Variants in REXO4 observed in about 807,000 individuals in gnomAD.
REXO4 encodes the protein REX4 homolog, 3'-5' exonuclease.
REXO4 carries 29 observed loss-of-function variants against 39.9 expected under a neutral mutation model. The observed-to-expected ratio is 0.73, with a 90% CI of 0.54 to 0.99. The LOEUF is 0.99. REXO4 is among the 50% of genes least tolerant of loss of function. The probability of loss-of-function intolerance (pLI) is 0.00; values close to 1 mark genes in which losing one functional copy is unlikely to be tolerated. For missense variants in REXO4, 524 were observed against 546.5 expected, an observed-to-expected ratio of 0.96 and a Z score of 0.41; for synonymous variants, 184 against 206.2, an observed-to-expected ratio of 0.89 and a Z score of 0.92.
intron 5 of REXO4, among the ~76,000 whole-genome samples, chr9:133,409,694 T>A (rs1554779744): frequency 6.6e-6 from 1 of 152,118 alleles, no homozygotes. Flanking sequence ...CCTGAGTAGC[T>A]GGGACAACAG....
At chr9:133,415,295 G>A (rs1281400142) in intron 1 of REXO4, among the ~76,000 whole-genome samples, 1 of 152,104 alleles carries the variant, frequency 6.6e-6, no homozygotes, top group Middle Eastern at 3.4e-3. Context: ...CTACACCTTG[G>A]GTACCTGTTG....
chr9:133,416,596 G>T (rs1839621113), intron 1 of REXO4, among the ~76,000 whole-genome samples: 1 of 152,196 alleles, frequency 6.6e-6, no homozygotes, highest in African/African-American at 2.4e-5. Context: ...AAGGGATGTG[G>T]TAAGAATGTA....
At position 133,412,825 on chromosome 9, in the gene REXO4, G is replaced by A. The variant is rs1839298885; in HGVS notation, c.669C>T (p.Ser223=). 5.0e-6 allele frequency: 8 copies of A among 1,613,886 alleles called. No individual in the cohort carries two copies. The highest frequency in any genetic ancestry group is 2.2e-5 in the East Asian group (1 of 44,886). ...AKIARKQLGQ[S]EGSVSLSLVK... ...CGAGGCTGAGGCTGACGCTGCCCTCGCTCTGACCCAACTGTTTCCTCGCTA... is the reference window on the plus strand; with the variant it reads ...CGAGGCTGAGGCTGACGCTGCCCTCACTCTGACCCAACTGTTTCCTCGCTA... The change falls in exon 3 of 8, where the codon AGC becomes AGT. Residue 223 remains serine, a synonymous_variant. Transcript: ENST00000371942.
chr9:133,414,663 A>C lies in REXO4; in HGVS notation c.572+2T>G. 1 of 1,613,428 alleles carries C rather than the reference A, an allele frequency of 6.2e-7. No homozygotes were observed. The highest frequency in any genetic ancestry group is 1.1e-5 in the South Asian group (1 of 91,052). On this transcript the variant is annotated splice_donor_variant, in intron 2 of 7. Coordinates refer to ENST00000371942, the MANE Select transcript of REXO4 (RefSeq NM_020385.4). LOFTEE classifies it high-confidence loss of function. ...CTCAGTGGTGAGGTGGCCCATACTT[A>C]CTCGGTGGGTGGGGCTGGGGCTGCC...
At chr9:133,411,434 A>G (rs1338457034) in intron 4 of REXO4, among the ~76,000 whole-genome samples, 2 of 152,162 alleles carry the variant, frequency 1.3e-5, no homozygotes, top group Admixed American at 6.5e-5. Flanking sequence ...TTTACTTGAC[A>G]ATTTCCCAAA....
chr9:133,415,480 A>G (rs1839532451), intron 1 of REXO4, among the ~76,000 whole-genome samples: 1 of 151,688 alleles, frequency 6.6e-6, no homozygotes, highest in Non-Finnish European at 1.5e-5. Context: ...GGGGGGTGTC[A>G]TAAATGAAAA....
intron 3 of REXO4, 136 bp from the exon 4 acceptor site, chr9:133,412,628 A>G: frequency 7.1e-7 from 1 of 1,401,156 alleles, no homozygotes. Flanking sequence ...CCCACGTGAC[A>G]AGCTCTGTGT....
At chr9:133,413,943 G>T (rs953022987) in intron 2 of REXO4, among the ~76,000 whole-genome samples, 3 of 152,204 alleles carry the variant, frequency 2.0e-5, no homozygotes, top group African/African-American at 7.2e-5. Context: ...AGCCATCAGC[G>T]ACTGTGTCCT....
rs587681684 is a variant in REXO4, at chr9:133,413,055, C to T, written c.573-134G>A. The stretch of plus-strand genomic sequence containing the variant: ...TCTCCCACAGGCTGGCCCCAGACAC[C>T]CCGACTGCTGGCCCTGCTGCTTCTG... On this transcript the variant is annotated intron_variant, in intron 2 of 7. Coordinates refer to ENST00000371942, the MANE Select transcript of REXO4 (RefSeq NM_020385.4). 1.1e-5 allele frequency: 10 copies of T among 918,280 alleles called. No individual in the cohort carries two copies. The East Asian group carries it at 2.4e-4, about 22-fold the overall frequency. 56.9% of individuals were successfully genotyped at this position (918,280 alleles called of 1,614,324 possible). A position where few individuals can be genotyped will look rare whatever the true frequency, so the allele number is the denominator to read the frequency against.
intron 6 of REXO4, 42 bp from the exon 7 acceptor site, chr9:133,407,923 G>A (rs978712608): frequency 1.7e-5 from 25 of 1,505,688 alleles, no homozygotes; most frequent in Middle Eastern, 3.4e-4. Context: ...CTGCAGGCTC[G>A]GCCCAAAGAG....
At chr9:133,407,669 TTTTTTTGA>T (rs1838972598) in intron 7 of REXO4, 130 bp downstream of exon 7, 1 of 597,696 alleles carries the variant, frequency 1.7e-6, no homozygotes, top group Non-Finnish European at 2.9e-6. Flanking sequence ...TACCATTTTT[TTTTTTTGA>T]CCAATAGCCT....
In REXO4 at chr9:133,408,813, C is replaced by T; in HGVS notation, c.1029G>A (p.Lys343=). 6.3e-7 allele frequency: 1 copy of T among 1,597,284 alleles called. No homozygotes were observed. The highest frequency in any genetic ancestry group is 1.1e-5 in the South Asian group (1 of 90,452). Residue 343 remains lysine, a synonymous_variant, in exon 6 of 8, where the codon AAG becomes AAA. Coordinates refer to ENST00000371942, the MANE Select transcript of REXO4 (RefSeq NM_020385.4). ...GTTTATATTTCTGTGTGTCCCGAAT[C>T]TTCTTTTTTGGATGATCAAGAAATA... ...KVLFLDHPKK[K]IRDTQKYKPF...
Position 133,406,709 on chromosome 9 carries a change from C to T in REXO4, c.*244G>A. 1.8e-6 allele frequency: 1 copy of T among 564,726 alleles called. No homozygotes were observed. The highest frequency in any genetic ancestry group is 3.1e-6 in the Non-Finnish European group (1 of 323,134). The allele number at this position is 564,726 out of a possible 1,614,324, so 35.0% of individuals were successfully genotyped here. On this transcript the variant is annotated 3_prime_UTR_variant, in exon 8 of 8. Coordinates refer to ENST00000371942, the MANE Select transcript of REXO4 (RefSeq NM_020385.4). ...AGTCGGTAAAGCGTGGCCAGGCGTG[C>T]CCATGGCCGTCCCTGCTCCCCACCC...
chr9:133,409,943 G>A lies in REXO4; in HGVS notation c.999+1042C>T, dbSNP rs371413609. The stretch of plus-strand genomic sequence containing the variant: ...GGAGTCAGAGTCAGGAGGGAAGGAC[G>A]AGTCCCCACGGCAGCAGTCTCTGAG... On this transcript the variant is annotated intron_variant, in intron 5 of 7. Coordinates refer to ENST00000371942, the MANE Select transcript of REXO4 (RefSeq NM_020385.4). Among the ~76,000 whole-genome samples, 29 of 152,296 alleles carry A rather than the reference G, an allele frequency of 1.9e-4. No individual in the cohort carries two copies. The East Asian group carries it at 3.9e-3, about 20-fold the overall frequency.
In REXO4 at chr9:133,412,410, T is replaced by C. The variant is rs782776107; in HGVS notation, c.799A>G (p.Ile267Val). ...GEESMAARVS[I>V]VNQYGKCVYD... ...ACGCACTTCCCATACTGGTTCACGA[T>C]GGACACACGGGCGGCCATGCTCTCC... The change falls in exon 4 of 8, where the codon ATC (isoleucine) becomes GTC (valine). Residue 267 changes from isoleucine to valine, a missense_variant. Transcript: ENST00000371942. 47 of 1,614,058 alleles carry C rather than the reference T, an allele frequency of 2.9e-5. No homozygotes were observed. The highest frequency in any genetic ancestry group is 3.7e-5 in the Non-Finnish European group (44 of 1,180,050).
At chr9:133,411,308 G>A (rs587702989) in intron 4 of REXO4, among the ~76,000 whole-genome samples, 1 of 152,338 alleles carries the variant, frequency 6.6e-6, no homozygotes, top group South Asian at 2.1e-4. Context: ...GGAATAAAGT[G>A]CTCCACACAG....
At chr9:133,417,000 A>T (rs1839662528) in intron 1 of REXO4, among the ~76,000 whole-genome samples, 1 of 152,092 alleles carries the variant, frequency 6.6e-6, no homozygotes, top group Admixed American at 6.5e-5. Flanking sequence ...TGCTACACAG[A>T]CCAGTGTGTT....
At chr9:133,414,417 T>C (rs938944331) in intron 2 of REXO4, 1 of 681,240 alleles carries the variant, frequency 1.5e-6, no homozygotes, top group Non-Finnish European at 2.7e-6. Flanking sequence ...CAGCACGCTT[T>C]CCTTCCACAC....
chr9:133,415,655 T>C (rs1839547648), intron 1 of REXO4: 1 of 152,392 alleles, frequency 6.6e-6, no homozygotes. Flanking sequence ...AGGCGGGTGC[T>C]ACTTACCTGT....
Sources: gnomAD v4.1 joint callset for allele counts (sites outside exome capture counted in the v4.1 genomes callset) on GRCh38, gnomAD v4.1.1 for gene constraint, MANE v1.5 for transcripts, NCBI Gene and HGNC (gene_info 2026-07-23, HGNC 2026-07-21) for gene names.